Variants in CCBE1 observed in about 807,000 individuals in gnomAD.
CCBE1 encodes the protein collagen and calcium binding EGF domains 1.
In CCBE1, 37 loss-of-function variants were observed where a neutral mutation model predicts 50.0. The observed-to-expected ratio is 0.74, with a 90% CI of 0.57 to 0.97. The LOEUF (loss-of-function observed/expected upper bound fraction) is 0.97. Ranked by LOEUF, CCBE1 falls within the 50% of genes least tolerant of loss-of-function variation. The probability of loss-of-function intolerance (pLI) is 0.00; values close to 1 mark genes in which losing one functional copy is unlikely to be tolerated. For missense variants in CCBE1, 538 were observed against 523.8 expected (o/e 1.03, Z -0.26); for synonymous variants, 234 against 203.7 (o/e 1.15, Z -1.27).
chr18:59,658,956 A>C (rs1292075288), intron 2 of CCBE1, among the ~76,000 whole-genome samples: 1 of 152,050 alleles, frequency 6.6e-6, no homozygotes, highest in Non-Finnish European at 1.5e-5. Flanking sequence ...TGTTCCATGA[A>C]ATGAGATGTG....
chr18:59,605,353 T>C (rs1347464937), intron 2 of CCBE1, among the ~76,000 whole-genome samples: 2 of 152,198 alleles, frequency 1.3e-5, no homozygotes, highest in Non-Finnish European at 1.5e-5. Context: ...ACAAGTTTTA[T>C]CCTTATAGAG....
chr18:59,661,230 GT>G (rs141068657), intron 2 of CCBE1, among the ~76,000 whole-genome samples: 37,362 of 152,096 alleles, frequency 0.25, 5,383 homozygotes, highest in Non-Finnish European at 0.33. Context: ...CACAAAAGGA[GT>G]TTGGTAATTT....
chr18:59,547,523 G>C (rs1255252761), intron 2 of CCBE1, among the ~76,000 whole-genome samples: 1 of 152,104 alleles, frequency 6.6e-6, no homozygotes, highest in Admixed American at 6.5e-5. Flanking sequence ...TCAGCCACAA[G>C]AACAGAGCAA....
At chr18:59,448,196 T>A in intron 6 of CCBE1, 93 bp from the exon 7 acceptor site, 1 of 1,547,356 alleles carries the variant, frequency 6.5e-7, no homozygotes, top group Non-Finnish European at 8.8e-7. Context: ...AGCCTTTTCA[T>A]GAGACATATG....
chr18:59,548,828 T>C (rs1915807955), intron 2 of CCBE1, among the ~76,000 whole-genome samples: 1 of 152,228 alleles, frequency 6.6e-6, no homozygotes, highest in Non-Finnish European at 1.5e-5. Flanking sequence ...ATGAATACTG[T>C]ATGCAATTGT....
intron 2 of CCBE1, among the ~76,000 whole-genome samples, chr18:59,591,739 A>G (rs141939473): frequency 6.6e-5 from 10 of 152,382 alleles, no homozygotes; most frequent in South Asian, 2.1e-4. Context: ...CAGAAAGGAA[A>G]TAGGCAATAC....
At chr18:59,499,870 G>A (rs1227887708) in intron 2 of CCBE1, among the ~76,000 whole-genome samples, 1 of 152,218 alleles carries the variant, frequency 6.6e-6, no homozygotes. Flanking sequence ...GAGTCCAGCT[G>A]TGAACAAGAA....
chr18:59,611,425 CAT>C (rs920371780), intron 2 of CCBE1, among the ~76,000 whole-genome samples: 3 of 152,188 alleles, frequency 2.0e-5, no homozygotes, highest in African/African-American at 2.4e-5. Flanking sequence ...GAAGCCCACA[CAT>C]GAGTGAAGCA....
At chr18:59,629,594 G>A (rs2053826767) in intron 2 of CCBE1, among the ~76,000 whole-genome samples, 1 of 152,212 alleles carries the variant, frequency 6.6e-6, no homozygotes, top group Non-Finnish European at 1.5e-5. Context: ...ATTAAGAAAG[G>A]AGTGGTAACG....
intron 2 of CCBE1, among the ~76,000 whole-genome samples, chr18:59,487,534 C>CAGA (rs1912880702): frequency 6.6e-6 from 1 of 152,064 alleles, no homozygotes; most frequent in Admixed American, 6.5e-5. Context: ...GCCTTTTAGC[C>CAGA]AGAAAGACTG....
intron 2 of CCBE1, among the ~76,000 whole-genome samples, chr18:59,501,043 T>G (rs1913594805): frequency 6.6e-6 from 1 of 152,228 alleles, no homozygotes; most frequent in Non-Finnish European, 1.5e-5. Context: ...GCCAAGGTCA[T>G]AAGGTGAAGA....
intron 2 of CCBE1, among the ~76,000 whole-genome samples, chr18:59,487,988 T>A (rs1364693267): frequency 1.3e-5 from 2 of 152,208 alleles, no homozygotes; most frequent in African/African-American, 4.8e-5. Flanking sequence ...GGTACATACA[T>A]ACAATGGAAT....
intron 2 of CCBE1, among the ~76,000 whole-genome samples, chr18:59,514,494 C>G (rs535506215): frequency 6.6e-6 from 1 of 152,232 alleles, no homozygotes; most frequent in East Asian, 1.9e-4. Flanking sequence ...GAAAGCCACC[C>G]TGACATTTTC....
intron 2 of CCBE1, among the ~76,000 whole-genome samples, chr18:59,614,061 A>G (rs979980270): frequency 2.0e-5 from 3 of 152,116 alleles, no homozygotes; most frequent in African/African-American, 7.2e-5. Flanking sequence ...TCTGGAGTGC[A>G]GTAGTGCGAT....
chr18:59,551,502 A>C (rs1915928876), intron 2 of CCBE1, among the ~76,000 whole-genome samples: 1 of 152,214 alleles, frequency 6.6e-6, no homozygotes, highest in South Asian at 2.1e-4. Context: ...CCACGATGCC[A>C]CCATGGCTAT....
chr18:59,608,223 T>C (rs1055516070), intron 2 of CCBE1, among the ~76,000 whole-genome samples: 5 of 152,242 alleles, frequency 3.3e-5, no homozygotes, highest in African/African-American at 1.2e-4. Context: ...AGCTACTCAG[T>C]AGCATTTGTC....
rs746881230 is a variant in CCBE1 at position 59,438,130 on chromosome 18, G to T, written c.968C>A (p.Pro323His). 3 of 1,614,134 alleles carry T rather than the reference G, an allele frequency of 1.9e-6. No homozygotes were observed. The Admixed American group carries it at 5.0e-5, about 27-fold the overall frequency. ...ACTTACTGGAGACCCTCTGGGCCCA[G>T]GCGCTCCTCTCTCCCCCTAAAAACA... Reference protein sequence around the residue: ...RDGSKGERGAPGPRGSPGPPG... With the variant: ...RDGSKGERGAHGPRGSPGPPG... Residue 323 changes from proline (P) to histidine (H), a missense_variant, in exon 10 of 11, where the codon CCT (proline) becomes CAT (histidine). Transcript: ENST00000439986.
At chr18:59,627,092 A>G (rs532960294) in intron 2 of CCBE1, among the ~76,000 whole-genome samples, 6 of 152,208 alleles carry the variant, frequency 3.9e-5, no homozygotes, top group Non-Finnish European at 7.3e-5. Context: ...TTTCATAAAA[A>G]TATAAAACAA....
chr18:59,493,026 C>T (rs566963670), intron 2 of CCBE1, among the ~76,000 whole-genome samples: 1 of 152,232 alleles, frequency 6.6e-6, no homozygotes, highest in Non-Finnish European at 1.5e-5. Flanking sequence ...CTGCAGTTCA[C>T]TGTATAAATG....
Sources: gnomAD v4.1 joint callset for allele counts (sites outside exome capture counted in the v4.1 genomes callset) on GRCh38, gnomAD v4.1.1 for gene constraint, MANE v1.5 for transcripts, NCBI Gene and HGNC (gene_info 2026-07-23, HGNC 2026-07-21) for gene names.